KHK: variants seen among roughly 807,000 people sequenced by gnomAD.
The protein encoded by KHK is ketohexokinase.
In KHK, 37 loss-of-function variants were observed where a neutral mutation model predicts 36.0. The ratio of observed to expected loss-of-function variants is 1.03; its 90% confidence interval spans 0.79 to 1.35. The LOEUF (loss-of-function observed/expected upper bound fraction) is 1.35. Among genes scored for constraint, KHK ranks in the 40% most tolerant of loss-of-function variants. The pLI, the probability that KHK is intolerant of heterozygous loss-of-function variation, is 0.00. For missense variants in KHK, 395 were observed against 391.9 expected (o/e 1.01, Z -0.07); for synonymous variants, 161 against 162.8 (o/e 0.99, Z 0.08).
At chr2:27,091,373 G>A (rs1669992874) in intron 1 of KHK, among the ~76,000 whole-genome samples, 1 of 152,054 alleles carries the variant, frequency 6.6e-6, no homozygotes, top group African/African-American at 2.4e-5. Context: ...ATAGGCATAA[G>A]CCACTGTGCC....
chr2:27,096,429 T>G (rs1670352965), intron 3 of KHK, among the ~76,000 whole-genome samples: 1 of 152,082 alleles, frequency 6.6e-6, no homozygotes, highest in South Asian at 2.1e-4. Context: ...GGCTTGGCGC[T>G]CTCAGTGCAT....
rs189914680 is a variant in KHK, at chr2:27,094,115, G to T, written c.210-685G>T. 43 of 374,954 alleles carry T rather than the reference G, an allele frequency of 1.1e-4. No individual in the cohort carries two copies. The Admixed American group carries it at 1.4e-3, about 12-fold the overall frequency. 23.2% of individuals were successfully genotyped at this position (374,954 alleles called of 1,614,324 possible). ...TGGGCATTGCAGGAAACAAGCCACG[G>T]TGCCCCCACATGCTTGGTTCAAACA... On this transcript the variant is annotated intron_variant, in intron 2 of 7. Coordinates refer to ENST00000260598, the MANE Select transcript of KHK (RefSeq NM_006488.3).
chr2:27,099,778 TGGA>T lies in KHK; in HGVS notation c.*30_*32del. The stretch of plus-strand genomic sequence containing the variant: ...GCAGGTGCCGGCTCCTCACACACCA[TGGA>T]GACTACCATTGCGGCTGCATCGCCT... On this transcript the variant is annotated 3_prime_UTR_variant, in exon 8 of 8. Coordinates refer to ENST00000260598, the MANE Select transcript of KHK (RefSeq NM_006488.3). The T allele has an allele frequency of 6.2e-7, 1 of 1,611,044 alleles. No homozygotes were observed. The highest frequency in any genetic ancestry group is 8.5e-7 in the Non-Finnish European group (1 of 1,178,696).
At chr2:27,094,449 C>T (rs1287495208) in intron 2 of KHK, 5 of 1,611,652 alleles carry the variant, frequency 3.1e-6, no homozygotes, top group East Asian at 2.2e-5. Flanking sequence ...TCGAACTGCA[C>T]CCCCTTCGGG....
chr2:27,095,077 T>G lies in KHK; in HGVS notation c.344+143T>G. ...GTTGCTCCCCTGCCAAAATGTCCAG[T>G]GATTTCCTAATTGCTTTCAATTAGG... On this transcript the variant is annotated intron_variant, in intron 3 of 7. Coordinates refer to ENST00000260598, the MANE Select transcript of KHK (RefSeq NM_006488.3). 17 of 960,894 alleles carry G rather than the reference T, an allele frequency of 1.8e-5. No individual in the cohort carries two copies. In the South Asian group the frequency reaches 2.0e-4, roughly 12 times the overall value. The allele number at this position is 960,894 out of a possible 1,614,324, so 59.5% of individuals were successfully genotyped here.
intron 3 of KHK, among the ~76,000 whole-genome samples, chr2:27,095,832 T>G (rs957964040): frequency 1.3e-5 from 2 of 152,208 alleles, no homozygotes; most frequent in Non-Finnish European, 1.5e-5. Flanking sequence ...GTGCTACAGG[T>G]GACCTTCGCA....
Position 27,094,173 on chromosome 2 carries a change from T to C in KHK, c.210-627T>C, listed in dbSNP as rs1269267378. The C allele has an allele frequency of 6.5e-6, 3 of 459,280 alleles. No homozygotes were observed. In the East Asian group the frequency reaches 1.4e-4, roughly 21 times the overall value. 28.5% of individuals were successfully genotyped at this position (459,280 alleles called of 1,614,324 possible). Reference sequence around the variant, plus strand: ...GGTTCTAGGGTCCTGTCTAGCTTTATGAACAGGAGCAAATCCTTTCCAGCA... The same window carrying C: ...GGTTCTAGGGTCCTGTCTAGCTTTACGAACAGGAGCAAATCCTTTCCAGCA... On this transcript the variant is annotated intron_variant, in intron 2 of 7. Coordinates refer to ENST00000260598, the MANE Select transcript of KHK (RefSeq NM_006488.3).
intron 3 of KHK, among the ~76,000 whole-genome samples, chr2:27,096,378 G>T (rs1305149528): frequency 6.6e-6 from 1 of 152,170 alleles, no homozygotes; most frequent in Non-Finnish European, 1.5e-5. Flanking sequence ...GGCTCTGCCT[G>T]TGGGAGCCGT....
At position 27,100,160 on chromosome 2, in the gene KHK, C is replaced by T. The variant is rs985866003; in HGVS notation, c.*410C>T. The T allele has an allele frequency of 3.2e-5, 16 of 493,294 alleles. 1 individual carries two copies. The highest frequency in any genetic ancestry group is 1.1e-3 in the Middle Eastern group (2 of 1,770). The allele number at this position is 493,294 out of a possible 1,614,324, so 30.6% of individuals were successfully genotyped here. On this transcript the variant is annotated 3_prime_UTR_variant, in exon 8 of 8. Transcript: ENST00000260598. ...CTCTGCCCTGGCTGGGGAGGACACT[C>T]GGTGCCCCACACCCAGTGAACCTGC...
intron 6 of KHK, 24 bp from the exon 7 acceptor site, chr2:27,099,396 C>CAGCTGAGT (rs746979459): frequency 2.5e-6 from 4 of 1,612,570 alleles, no homozygotes; most frequent in Non-Finnish European, 3.4e-6. Flanking sequence ...GGCTAACACC[C>CAGCTGAGT]AGCTGAGTGG....
intron 5 of KHK, among the ~76,000 whole-genome samples, chr2:27,098,658 A>C (rs979602965): frequency 6.6e-6 from 1 of 152,066 alleles, no homozygotes; most frequent in Admixed American, 6.6e-5. Context: ...TGGAGATTCT[A>C]AAGTGTAGGT....
intron 1 of KHK, among the ~76,000 whole-genome samples, chr2:27,090,967 G>C (rs1002542488): frequency 2.6e-5 from 4 of 152,054 alleles, no homozygotes; most frequent in African/African-American, 9.7e-5. Flanking sequence ...AAGGTGGGAG[G>C]ATCAGTTGAG....
chr2:27,098,475 CAAAAAAAA>C (rs78116764), intron 5 of KHK, among the ~76,000 whole-genome samples: 2 of 97,200 alleles, frequency 2.1e-5, no homozygotes, highest in African/African-American at 6.7e-5. Context: ...TGTCTCTATA[CAAAAAAAA>C]AAAAAAAAAA....
intron 3 of KHK, 135 bp downstream of exon 3, chr2:27,095,069 A>G: frequency 2.0e-6 from 2 of 1,001,780 alleles, no homozygotes; most frequent in Non-Finnish European, 3.1e-6. Context: ...CCCTGCCAAA[A>G]TGTCCAGTGA....
In KHK at chr2:27,100,707, AATT is replaced by A; in HGVS notation, c.*961_*963del. 1.8e-6 allele frequency: 2 copies of A among 1,119,816 alleles called. No homozygotes were observed. Among genetic ancestry groups the A allele is most frequent in the Non-Finnish European group, 2.3e-6 (2 of 876,798 alleles). The allele number at this position is 1,119,816 out of a possible 1,614,324, so 69.4% of individuals were successfully genotyped here. On this transcript the variant is annotated 3_prime_UTR_variant, in exon 8 of 8. Transcript: ENST00000260598. Reference sequence around the variant, plus strand: ...TGGAACCAATTCTGCTTGGCTACAGAATTATTGTGAGGATAAAATCATATATAA... The same window carrying A: ...TGGAACCAATTCTGCTTGGCTACAGAATTGTGAGGATAAAATCATATATAA...
At chr2:27,087,825 G>A (rs1293048557) in intron 1 of KHK, 1 of 153,798 alleles carries the variant, frequency 6.5e-6, no homozygotes, top group Non-Finnish European at 1.4e-5. Flanking sequence ...ACAGTAAAAA[G>A]TATGTACAGT....
At chr2:27,096,927 C>T in intron 4 of KHK, 126 bp downstream of exon 4, 2 of 747,476 alleles carry the variant, frequency 2.7e-6, no homozygotes, top group Non-Finnish European at 4.8e-6. Context: ...CCCTCATTCT[C>T]TCTCCATCTT....
At position 27,100,733 on chromosome 2, in the gene KHK, T is replaced by C. The variant is rs1211209172; in HGVS notation, c.*983T>C. On this transcript the variant is annotated 3_prime_UTR_variant, in exon 8 of 8. Coordinates refer to ENST00000260598, the MANE Select transcript of KHK (RefSeq NM_006488.3). ...ATTATTGTGAGGATAAAATCATATA[T>C]AAAATGCCCAGCATGATGCCTGATG... The C allele has an allele frequency of 1.8e-6, 2 of 1,142,482 alleles. No individual in the cohort carries two copies. Among genetic ancestry groups the C allele is most frequent in the Non-Finnish European group, 2.2e-6 (2 of 901,490 alleles). 70.8% of individuals were successfully genotyped at this position (1,142,482 alleles called of 1,614,324 possible). A position where few individuals can be genotyped will look rare whatever the true frequency, so the allele number is the denominator to read the frequency against.
At chr2:27,094,018 G>A (rs972945510) in intron 2 of KHK, among the ~76,000 whole-genome samples, 147 of 152,324 alleles carry the variant, frequency 9.7e-4, no homozygotes, top group African/African-American at 3.3e-3. Flanking sequence ...AGAGAGGACA[G>A]CACCCTGGAT....
Sources: allele counts gnomAD v4.1 joint callset (sites outside exome capture counted in the v4.1 genomes callset), GRCh38; gene constraint gnomAD v4.1.1; transcripts MANE v1.5; gene names NCBI Gene and HGNC (gene_info 2026-07-23, HGNC 2026-07-21).